Variants in LY75 observed in about 807,000 individuals in gnomAD.
LY75 encodes C-type lectin domain family 13 member B.
A neutral mutation model predicts 231.7 loss-of-function variants in LY75; 185 were observed. That is an observed-to-expected ratio of 0.80 (90% CI 0.71 to 0.90). LY75 has a LOEUF of 0.90. Ranked by LOEUF, LY75 falls within the 40% of genes least tolerant of loss-of-function variation. The pLI, the probability that LY75 is intolerant of heterozygous loss-of-function variation, is 0.00. For missense variants in LY75, 1,947 were observed against 2,050.2 expected (o/e 0.95, Z 0.97); for synonymous variants, 668 against 689.0 (o/e 0.97, Z 0.48).
Position 159,865,892 on chromosome 2 carries a change from C to T in LY75, c.2118-972G>A, listed in dbSNP as rs77658485. ...TCCTTTCCCCTCAAATACATTTATG[C>T]TCTGGCCAGGGATAAATATCCAGCA... On this transcript the variant is annotated intron_variant, in intron 13 of 34. Transcript: ENST00000263636. 7.1e-4 allele frequency among the ~76,000 whole-genome samples: 108 copies of T among 152,246 alleles called. No individual in the cohort carries two copies. In the East Asian group the frequency reaches 0.017, roughly 24 times the overall value.
At chr2:159,824,827 T>C (rs146816986) in intron 28 of LY75, among the ~76,000 whole-genome samples, 1,623 of 147,200 alleles carry the variant, frequency 0.011, 22 homozygotes, top group African/African-American at 0.039. Flanking sequence ...CACAACTACA[T>C]GGAAACTGAA....
chr2:159,819,977 C>T (rs1683237192), intron 28 of LY75, 57 bp from the exon 29 acceptor site: 17 of 1,473,582 alleles, frequency 1.2e-5, no homozygotes, highest in Non-Finnish European at 5.4e-6. Flanking sequence ...TTGAATTACA[C>T]TTATACAGTT....
At chr2:159,851,316 GT>G in intron 21 of LY75, among the ~76,000 whole-genome samples, 1 of 152,004 alleles carries the variant, frequency 6.6e-6, no homozygotes, top group Non-Finnish European at 1.5e-5. Context: ...AGAGTGGTAT[GT>G]CCCAAATTGT....
intron 21 of LY75, among the ~76,000 whole-genome samples, chr2:159,850,773 C>A (rs1389663288): frequency 3.7e-5 from 1 of 27,174 alleles, no homozygotes; most frequent in African/African-American, 1.1e-4. Context: ...TTCAAACTTT[C>A]ATATATATAT....
At chr2:159,872,981 C>T (rs772921573) in intron 12 of LY75, among the ~76,000 whole-genome samples, 4 of 152,092 alleles carry the variant, frequency 2.6e-5, no homozygotes, top group Admixed American at 6.6e-5. Flanking sequence ...ATAGAAATTT[C>T]GAATATAAGA....
At chr2:159,886,276 G>A in intron 5 of LY75, 144 bp downstream of exon 5, 1 of 871,464 alleles carries the variant, frequency 1.1e-6, no homozygotes, top group Non-Finnish European at 1.6e-6. Context: ...ATTAAGAATG[G>A]TTTAGGAAGA....
At chr2:159,830,588 C>CT (rs35004394) in intron 28 of LY75, among the ~76,000 whole-genome samples, 78,386 of 128,882 alleles carry the variant, frequency 0.61, 27,217 homozygotes, top group Non-Finnish European at 0.77. Context: ...TTTTTCTATT[C>CT]TTTTTTTTTT....
intron 11 of LY75, among the ~76,000 whole-genome samples, chr2:159,876,815 G>A (rs1286070318): frequency 1.3e-5 from 2 of 151,920 alleles, no homozygotes; most frequent in African/African-American, 2.4e-5. Context: ...AGACCAGCCT[G>A]GCCAAAATGG....
At chr2:159,831,253 C>T (rs1683648476) in intron 28 of LY75, among the ~76,000 whole-genome samples, 1 of 152,062 alleles carries the variant, frequency 6.6e-6, no homozygotes, top group African/African-American at 2.4e-5. Flanking sequence ...GTGTGTAGCA[C>T]CTCCTCCTTC....
At chr2:159,808,225 T>A in intron 33 of LY75, 1 of 792,608 alleles carries the variant, frequency 1.3e-6, no homozygotes, top group Non-Finnish European at 1.5e-6. Flanking sequence ...TTCCACTTTA[T>A]TTAACAGGAT....
At chr2:159,840,334 G>A (rs10803759) in intron 25 of LY75, among the ~76,000 whole-genome samples, 129,156 of 152,108 alleles carry the variant, frequency 0.85, 54,994 homozygotes, top group Admixed American at 0.91. Context: ...ACCTTTGGGA[G>A]GCCAAGGTGG....
Position 159,881,248 on chromosome 2 carries a change from A to T in LY75, c.1247-8T>A, listed in dbSNP as rs200775972. ...ACACTTCTTCTTTGATATCTAAAAG[A>T]AAAATGTATTATTTGTTTGGTTTTG... On this transcript the variant is annotated splice_polypyrimidine_tract_variant and splice_region_variant and intron_variant, in intron 7 of 34. Transcript: ENST00000263636. 1.2e-6 allele frequency: 2 copies of T among 1,607,570 alleles called. No individual in the cohort carries two copies. The highest frequency in any genetic ancestry group is 1.7e-5 in the Admixed American group (1 of 59,086).
Position 159,842,304 on chromosome 2 carries a change from G to A in LY75, c.3221C>T (p.Thr1074Met), listed in dbSNP as rs372948084. ...TTCACTGCAGGATGTAAAATTCCAC[G>A]TCCCAGTAAACGGTGATTTTTGGAG... ...LNLQKSPFTG[T>M]WNFTSCSERH... Residue 1074 changes from threonine to methionine, a missense_variant, in exon 24 of 35, where the codon ACG (threonine) becomes ATG (methionine). Thr to Met is a moderately conservative substitution (Grantham distance 81, BLOSUM62 -1). Transcript: ENST00000263636. 23 of 1,612,600 alleles carry A rather than the reference G, an allele frequency of 1.4e-5. No homozygotes were observed. The African/African-American group carries it at 1.7e-4, about 12-fold the overall frequency.
intron 6 of LY75, among the ~76,000 whole-genome samples, chr2:159,883,428 T>G (rs1245302726): frequency 1.3e-5 from 2 of 152,172 alleles, no homozygotes; most frequent in Admixed American, 6.6e-5. Context: ...TTATATTTTA[T>G]AATTATGATA....
intron 23 of LY75, among the ~76,000 whole-genome samples, chr2:159,844,727 T>C (rs1412769989): frequency 6.7e-6 from 1 of 149,758 alleles, no homozygotes; most frequent in Non-Finnish European, 1.5e-5. Flanking sequence ...AAAAAACCCA[T>C]AACAAATTCA....
chr2:159,868,629 G>A (rs1383832160), intron 13 of LY75, among the ~76,000 whole-genome samples: 2 of 152,038 alleles, frequency 1.3e-5, no homozygotes, highest in African/African-American at 4.8e-5. Flanking sequence ...AGTGTAATTC[G>A]TTCTGTATAT....
intron 9 of LY75, among the ~76,000 whole-genome samples, chr2:159,878,983 G>A (rs1164913752): frequency 2.0e-5 from 3 of 152,236 alleles, no homozygotes; most frequent in Middle Eastern, 3.4e-3. Flanking sequence ...TTCACTGGAT[G>A]AATTATTTTT....
At chr2:159,815,039 C>G (rs1457927634) in intron 31 of LY75, among the ~76,000 whole-genome samples, 1 of 137,336 alleles carries the variant, frequency 7.3e-6, no homozygotes, top group East Asian at 2.1e-4. Flanking sequence ...CTTGCTCTGT[C>G]TCCCAGGCTG....
chr2:159,815,443 G>C lies in LY75; in HGVS notation c.4511C>G (p.Ser1504Cys), dbSNP rs1390023443. ...ATAACAAATAGCACCATCCTTAACAGAGTTGCATTTTTCATGTTTCCAAGT... is the reference window on the plus strand; with the variant it reads ...ATAACAAATAGCACCATCCTTAACACAGTTGCATTTTTCATGTTTCCAAGT... ...KGTWKHEKCN[S>C]VKDGAICYKP... The change falls in exon 31 of 35, where the codon TCT (serine) becomes TGT (cysteine). Residue 1504 changes from serine to cysteine, a missense_variant. Transcript: ENST00000263636. 4.3e-6 allele frequency: 7 copies of C among 1,612,718 alleles called. No homozygotes were observed. The Admixed American group carries it at 5.0e-5, about 12-fold the overall frequency.
Sources: gnomAD v4.1 joint callset for allele counts (sites outside exome capture counted in the v4.1 genomes callset) on GRCh38, gnomAD v4.1.1 for gene constraint, MANE v1.5 for transcripts, NCBI Gene and HGNC (gene_info 2026-07-23, HGNC 2026-07-21) for gene names.